The following AMBN variants were observed in gnomAD, a reference collection of about 807,000 sequenced individuals.
The protein encoded by AMBN is enamel matrix protein.
In AMBN, 54 loss-of-function variants were observed where a neutral mutation model predicts 48.0. That is an observed-to-expected ratio of 1.12 (90% CI 0.90 to 1.41). The LOEUF is 1.41. AMBN is among the 40% of genes most tolerant of loss of function. AMBN has a pLI of 0.00. For synonymous variants in AMBN, 186 were observed against 190.0 expected, an observed-to-expected ratio of 0.98 and a Z score of 0.17; for missense variants, 571 against 547.3, an observed-to-expected ratio of 1.04 and a Z score of -0.43.
At chr4:70,599,047 T>C (rs952811002) in intron 4 of AMBN, among the ~76,000 whole-genome samples, 1 of 151,058 alleles carries the variant, frequency 6.6e-6, no homozygotes, top group Non-Finnish European at 1.5e-5. Flanking sequence ...AGTGCTGGGA[T>C]TAGAGGCGTG....
intron 12 of AMBN, among the ~76,000 whole-genome samples, chr4:70,604,343 A>C (rs1737592384): frequency 6.6e-6 from 1 of 152,228 alleles, no homozygotes. Flanking sequence ...AAGATCAAAA[A>C]GCAAAAGAAA....
intron 2 of AMBN, 86 bp downstream of exon 2, chr4:70,593,481 C>G (rs113027837): frequency 2.7e-6 from 3 of 1,108,178 alleles, no homozygotes; most frequent in African/African-American, 1.6e-5. Flanking sequence ...ACTGAGAGTC[C>G]ACGCATAGAC....
At chr4:70,601,155 C>T (rs990209740) in intron 5 of AMBN, among the ~76,000 whole-genome samples, 1 of 152,130 alleles carries the variant, frequency 6.6e-6, no homozygotes, top group Admixed American at 6.5e-5. Context: ...TAGAGAAGGA[C>T]ATGACTCATC....
At chr4:70,606,069 C>T (rs1737635333) in intron 12 of AMBN, 116 bp from the exon 13 acceptor site, 1 of 1,229,594 alleles carries the variant, frequency 8.1e-7, no homozygotes, top group Non-Finnish European at 1.1e-6. Context: ...AATCAGCCAA[C>T]TTCCTATTCT....
chr4:70,596,341 A>G (rs1348510917), intron 2 of AMBN, among the ~76,000 whole-genome samples: 4 of 151,974 alleles, frequency 2.6e-5, no homozygotes, highest in African/African-American at 9.7e-5. Context: ...AGATAGGTAT[A>G]TTTTTGAACA....
At chr4:70,598,275 T>C (rs1737433774) in intron 3 of AMBN, 81 bp from the exon 4 acceptor site, 3 of 932,084 alleles carry the variant, frequency 3.2e-6, no homozygotes, top group Non-Finnish European at 4.6e-6. Context: ...TTTGTGTTGA[T>C]AATGTCAAAT....
intron 5 of AMBN, among the ~76,000 whole-genome samples, chr4:70,600,325 T>C (rs62323404): frequency 1.3e-5 from 2 of 150,566 alleles, no homozygotes; most frequent in East Asian, 3.9e-4. Context: ...AATTAAGAAA[T>C]TTAAAAAAAA....
intron 2 of AMBN, among the ~76,000 whole-genome samples, chr4:70,594,072 TAC>T (rs1737337488): frequency 6.6e-6 from 1 of 152,142 alleles, no homozygotes; most frequent in Admixed American, 6.5e-5. Context: ...TTGAAAAAAA[TAC>T]ATTTTCTTCA....
Position 70,606,256 on chromosome 4 carries a change from G to C in AMBN, c.870G>C (p.Glu290Asp). ...PGFGGMRPGFEGMPHNPAMGG... is the reference protein window; with the variant it reads ...PGFGGMRPGFDGMPHNPAMGG... ...TTGGAGGCATGAGGCCCGGCTTTGA[G>C]GGAATGCCCCACAACCCAGCTATGG... The change falls in exon 13 of 13, where the codon GAG (glutamate) becomes GAC (aspartate). Residue 290 changes from glutamate (E) to aspartate (D), a missense_variant. Glu to Asp is a conservative substitution (Grantham distance 45, BLOSUM62 2). Transcript: ENST00000322937. The C allele has an allele frequency of 1.9e-6, 3 of 1,614,132 alleles. No individual in the cohort carries two copies. The highest frequency in any genetic ancestry group is 2.5e-6 in the Non-Finnish European group (3 of 1,179,998).
chr4:70,594,286 T>C (rs1385435189), intron 2 of AMBN, among the ~76,000 whole-genome samples: 4 of 152,204 alleles, frequency 2.6e-5, no homozygotes, highest in Non-Finnish European at 1.5e-5. Flanking sequence ...TTCTAGTATA[T>C]ATTGAAATGA....
intron 2 of AMBN, among the ~76,000 whole-genome samples, chr4:70,596,413 G>GA (rs1197525537): frequency 2.6e-5 from 4 of 151,938 alleles, no homozygotes; most frequent in African/African-American, 7.3e-5. Flanking sequence ...TTATTTAAGG[G>GA]AAAAAAACCT....
In AMBN at chr4:70,601,427, T is replaced by C; in HGVS notation, c.304T>C (p.Ser102Pro). The C allele has an allele frequency of 1.2e-6, 2 of 1,613,986 alleles. No individual in the cohort carries two copies. The highest frequency in any genetic ancestry group is 1.7e-6 in the Non-Finnish European group (2 of 1,179,862). Residue 102 changes from serine (S) to proline (P), a missense_variant, in exon 6 of 13, where the codon TCT becomes CCT. Transcript: ENST00000322937. The part of the protein sequence containing the change: ...REHETQQYEY[S>P]LPVHPPPLPS... ...TCAAATTTCTCTGCAGTATGAATAT[T>C]CTTTGCCTGTGCATCCCCCACCTCT... is the stretch of plus-strand genomic sequence containing the variant.
At chr4:70,600,046 C>T (rs376418551) in intron 5 of AMBN, among the ~76,000 whole-genome samples, 1 of 152,248 alleles carries the variant, frequency 6.6e-6, no homozygotes, top group Admixed American at 6.5e-5. Flanking sequence ...ATGGCTGACG[C>T]CTGTAATCCC....
In AMBN at chr4:70,593,469, G is replaced by A. The variant is rs1288338237; in HGVS notation, c.84+74G>A. The stretch of plus-strand genomic sequence containing the variant: ...ACTCCAAACAACACTGAAGGGATAT[G>A]GACTGAGAGTCCACGCATAGACTCA... On this transcript the variant is annotated intron_variant, in intron 2 of 12. Coordinates refer to ENST00000322937, the MANE Select transcript of AMBN (RefSeq NM_016519.6). The A allele has an allele frequency of 1.1e-5, 14 of 1,265,406 alleles. 1 individual carries two copies. Among genetic ancestry groups the A allele is most frequent in the Non-Finnish European group, 1.6e-5 (14 of 870,220 alleles). The allele number at this position is 1,265,406 out of a possible 1,614,324, so 78.4% of individuals were successfully genotyped here.
chr4:70,592,820 C>T (rs1737303140), intron 1 of AMBN, among the ~76,000 whole-genome samples: 1 of 152,126 alleles, frequency 6.6e-6, no homozygotes, highest in Non-Finnish European at 1.5e-5. Context: ...AAAATTTTGT[C>T]ATGGTTACGT....
Position 70,606,247 on chromosome 4 carries a change from C to T in AMBN, c.861C>T (p.Pro287=), listed in dbSNP as rs369661101. The change falls in exon 13 of 13, where the codon CCC becomes CCT. Residue 287 remains proline (P), a synonymous_variant. Transcript: ENST00000322937. ...TTCCAGGATTTGGAGGCATGAGGCC[C>T]GGCTTTGAGGGAATGCCCCACAACC... is the stretch of plus-strand genomic sequence containing the variant. ...AMFPGFGGMR[P]GFEGMPHNPA... The T allele has an allele frequency of 5.6e-5, 90 of 1,613,968 alleles. No individual in the cohort carries two copies. The highest frequency in any genetic ancestry group is 7.3e-5 in the Non-Finnish European group (86 of 1,180,010).
At chr4:70,602,514 C>A in intron 6 of AMBN, 110 bp from the exon 7 acceptor site, 1 of 712,884 alleles carries the variant, frequency 1.4e-6, no homozygotes, top group Non-Finnish European at 2.2e-6. Context: ...TAATTGTAAA[C>A]AAGATAAGGA....
At chr4:70,601,326 G>A in intron 5 of AMBN, 92 bp from the exon 6 acceptor site, 1 of 1,280,822 alleles carries the variant, frequency 7.8e-7, no homozygotes, top group South Asian at 1.4e-5. Flanking sequence ...CTTCCAGATA[G>A]AAAGCGCCCC....
intron 4 of AMBN, 25 bp from the exon 5 acceptor site, chr4:70,599,511 T>A (rs1344907414): frequency 6.8e-7 from 1 of 1,471,568 alleles, no homozygotes; most frequent in East Asian, 2.3e-5. Context: ...AATATAAGCA[T>A]GTCTTTTTTT....
Sources: allele counts gnomAD v4.1 joint callset (sites outside exome capture counted in the v4.1 genomes callset), GRCh38; gene constraint gnomAD v4.1.1; transcripts MANE v1.5; gene names NCBI Gene and HGNC (gene_info 2026-07-23, HGNC 2026-07-21).